ADCY9: variants seen among roughly 807,000 people sequenced by gnomAD.
ADCY9 encodes adenylate cyclase 9.
ADCY9 carries 50 observed loss-of-function variants against 101.5 expected under a neutral mutation model. The ratio of observed to expected loss-of-function variants is 0.49; its 90% confidence interval spans 0.39 to 0.62. The LOEUF is 0.62. Ranked by LOEUF, ADCY9 falls within the 20% of genes least tolerant of loss-of-function variation. The probability of loss-of-function intolerance (pLI) is 0.00; values close to 1 mark genes in which losing one functional copy is unlikely to be tolerated. For missense variants in ADCY9, 1,662 were observed against 1,800.4 expected (o/e 0.92, Z 1.39); for synonymous variants, 905 against 769.3 (o/e 1.18, Z -2.92).
intron 10 of ADCY9, among the ~76,000 whole-genome samples, chr16:3,973,255 C>G (rs2056067657): frequency 6.6e-6 from 1 of 152,086 alleles, no homozygotes; most frequent in Admixed American, 6.6e-5. Flanking sequence ...GTCGCCCAGG[C>G]TGGAGTGCAG....
chr16:3,978,967 C>T, intron 8 of ADCY9, 149 bp downstream of exon 8: 1 of 967,162 alleles, frequency 1.0e-6, no homozygotes, highest in Non-Finnish European at 1.5e-6. Context: ...TGCCCACCTC[C>T]ACCTCCCACA....
chr16:4,044,893 C>T (rs2056652046), intron 2 of ADCY9, among the ~76,000 whole-genome samples: 1 of 152,178 alleles, frequency 6.6e-6, no homozygotes, highest in Non-Finnish European at 1.5e-5. Flanking sequence ...GACCAACAAT[C>T]CACTTCCCGG....
At chr16:4,064,043 G>T (rs966903369) in intron 2 of ADCY9, among the ~76,000 whole-genome samples, 4 of 152,006 alleles carry the variant, frequency 2.6e-5, no homozygotes, top group African/African-American at 9.7e-5. Context: ...AAAATCTTCA[G>T]GAGTCTACAA....
intron 2 of ADCY9, among the ~76,000 whole-genome samples, chr16:4,037,074 G>A (rs561749009): frequency 2.1e-4 from 32 of 152,188 alleles, no homozygotes; most frequent in South Asian, 8.3e-4. Flanking sequence ...CCAGAACTTC[G>A]AGAGGCCAAG....
rs869169536 is a variant in ADCY9 at position 4,108,360 on chromosome 16, A to ATT, written c.1693+5388_1693+5389dup. Among the ~76,000 whole-genome samples, 490 of 53,740 alleles carry ATT rather than the reference A, an allele frequency of 9.1e-3. 65 individuals carry two copies. The highest frequency in any genetic ancestry group is 0.045 in the South Asian group (37 of 826). The allele number at this position is 53,740 out of a possible 152,430, so 35.3% of individuals were successfully genotyped here. A position where few individuals can be genotyped will look rare whatever the true frequency, so the allele number is the denominator to read the frequency against. On this transcript the variant is annotated intron_variant, in intron 2 of 10. Transcript: ENST00000294016. ...CTCACCTTAATCAGACCGTTTCTTC[A>ATT]TTTTTTTTTTTTTTTTTTTTTTTTT... is the stretch of plus-strand genomic sequence containing the variant.
intron 4 of ADCY9, 130 bp downstream of exon 4, chr16:3,993,276 C>T (rs1379859426): frequency 2.1e-5 from 30 of 1,462,556 alleles, no homozygotes; most frequent in Non-Finnish European, 2.3e-5. Flanking sequence ...CCGGAGGACC[C>T]GCGGGTGCGG....
intron 2 of ADCY9, among the ~76,000 whole-genome samples, chr16:4,112,288 A>T (rs1474146219): frequency 6.6e-6 from 1 of 152,242 alleles, no homozygotes; most frequent in African/African-American, 2.4e-5. Flanking sequence ...CCTTGTTAAC[A>T]TAGTCCTTAA....
intron 2 of ADCY9, among the ~76,000 whole-genome samples, chr16:4,035,865 G>A (rs1346298070): frequency 2.6e-5 from 4 of 151,956 alleles, no homozygotes; most frequent in African/African-American, 9.7e-5. Flanking sequence ...CAGGCGTGGT[G>A]GCACATGATT....
chr16:4,060,394 G>A (rs916134466), intron 2 of ADCY9, among the ~76,000 whole-genome samples: 5 of 152,160 alleles, frequency 3.3e-5, no homozygotes, highest in East Asian at 1.9e-4. Flanking sequence ...CCTACCCCAC[G>A]CACAAAGGAG....
chr16:4,056,306 G>A (rs1437893751), intron 2 of ADCY9, among the ~76,000 whole-genome samples: 2 of 152,210 alleles, frequency 1.3e-5, no homozygotes, highest in African/African-American at 2.4e-5. Context: ...CCAGGCTGGA[G>A]TGCAGTGATG....
chr16:3,994,522 C>T (rs1257208075), intron 3 of ADCY9, among the ~76,000 whole-genome samples: 1 of 152,220 alleles, frequency 6.6e-6, no homozygotes, highest in Non-Finnish European at 1.5e-5. Context: ...GTGTCACGAT[C>T]TTGGCTCACT....
chr16:4,072,564 G>T (rs1205796499), intron 2 of ADCY9, among the ~76,000 whole-genome samples: 2 of 152,144 alleles, frequency 1.3e-5, no homozygotes, highest in African/African-American at 4.8e-5. Context: ...ATGAACAGAA[G>T]CTTGAGAACA....
rs2057136101 is a variant in ADCY9 at position 4,114,637 on chromosome 16, A to G, written c.806T>C (p.Phe269Ser). 5 of 1,613,368 alleles carry G rather than the reference A, an allele frequency of 3.1e-6. No homozygotes were observed. The highest frequency in any genetic ancestry group is 4.2e-6 in the Non-Finnish European group (5 of 1,180,032). Residue 269 changes from phenylalanine (F) to serine (S), a missense_variant, in exon 2 of 11, where the codon TTC (phenylalanine) becomes TCC (serine). Physicochemically the swap from Phe to Ser is radical, Grantham distance 155. Coordinates refer to ENST00000294016, the MANE Select transcript of ADCY9 (RefSeq NM_001116.4). This position sits in a 1 kb window ranked among gnomAD's most constrained non-coding sequence, Gnocchi z 4.3. Reference sequence around the variant, plus strand: ...CAGGGCCCCGGCTCCGGGCGAGGGGAAGCAGGCTTCATCCCGGAAATGGTA... The same window carrying G: ...CAGGGCCCCGGCTCCGGGCGAGGGGGAGCAGGCTTCATCCCGGAAATGGTA... ...FGYHFRDEAC[F>S]PSPGAGALHW...
intron 7 of ADCY9, chr16:3,982,833 G>T: frequency 5.0e-6 from 1 of 198,866 alleles, no homozygotes. Flanking sequence ...CAAGTGCGTG[G>T]AGATGCTGTT....
At chr16:4,038,519 A>T (rs943912782) in intron 2 of ADCY9, among the ~76,000 whole-genome samples, 7 of 152,080 alleles carry the variant, frequency 4.6e-5, no homozygotes, top group South Asian at 2.1e-4. Context: ...CTGCCTCCAG[A>T]ACTGTAAGAA....
chr16:4,000,253 C>T (rs1324956944), intron 3 of ADCY9, among the ~76,000 whole-genome samples: 1 of 152,232 alleles, frequency 6.6e-6, no homozygotes, highest in Non-Finnish European at 1.5e-5. Flanking sequence ...TGATCGGTTC[C>T]ATTTTACAGA....
In ADCY9 at chr16:4,115,944, T is replaced by C. The variant is rs993217421; in HGVS notation, c.-298A>G. 6 of 359,782 alleles carry C rather than the reference T, an allele frequency of 1.7e-5. No homozygotes were observed. In the Admixed American group the frequency reaches 2.0e-4, roughly 12 times the overall value. 22.3% of individuals were successfully genotyped at this position (359,782 alleles called of 1,614,324 possible). ...CCATCCTGCAGGAGCCGCGCTCCGA[T>C]GCGTCAAAGGCGGCGCGCGGCCGGC... On this transcript the variant is annotated 5_prime_UTR_variant, in exon 1 of 11. Transcript: ENST00000294016. This position sits in a 1 kb window ranked among gnomAD's most constrained non-coding sequence, Gnocchi z 6.2.
chr16:3,957,462 T>C (rs571997866), intron 5 of ADCY9, among the ~76,000 whole-genome samples: 67 of 151,848 alleles, frequency 4.4e-4, no homozygotes, highest in Non-Finnish European at 6.8e-4. Context: ...TGAAGGTTTA[T>C]CTACAGTCCT....
chr16:4,056,862 C>T (rs2056741576), intron 2 of ADCY9, among the ~76,000 whole-genome samples: 1 of 152,120 alleles, frequency 6.6e-6, no homozygotes, highest in Non-Finnish European at 1.5e-5. Flanking sequence ...CCCAGGTTGC[C>T]TGTTCTGAAG....
Sources: gnomAD v4.1 joint callset for allele counts (sites outside exome capture counted in the v4.1 genomes callset) on GRCh38, gnomAD v4.1.1 for gene constraint, Gnocchi (gnomAD v3.1) non-coding constraint, MANE v1.5 for transcripts, NCBI Gene and HGNC (gene_info 2026-07-23, HGNC 2026-07-21) for gene names.